The following GRID2 variants were observed in gnomAD, a reference collection of about 807,000 sequenced individuals.
GRID2 encodes the protein glutamate receptor ionotropic, delta-2.
Under a neutral mutation model 114.8 loss-of-function variants are expected in GRID2, and 33 were observed. The ratio of observed to expected loss-of-function variants is 0.29; its 90% CI spans 0.22 to 0.38. The LOEUF is 0.38. Among genes scored for constraint, GRID2 ranks in the 10% least tolerant of loss-of-function variants. GRID2 has a pLI of 1.00. For synonymous variants in GRID2, 505 were observed against 449.9 expected, an observed-to-expected ratio of 1.12 and a Z score of -1.55; for missense variants, 1,184 against 1,257.7, an observed-to-expected ratio of 0.94 and a Z score of 0.89.
Position 93,773,863 on chromosome 4 carries a change from T to C in GRID2, c.*1365T>C, listed in dbSNP as rs1462146702. 2 of 152,170 alleles carry C rather than the reference T, an allele frequency of 1.3e-5. No homozygotes were observed. The highest frequency in any genetic ancestry group is 2.9e-5 in the Non-Finnish European group (2 of 67,996). 9.4% of individuals were successfully genotyped at this position (152,170 alleles called of 1,614,324 possible). On this transcript the variant is annotated 3_prime_UTR_variant, in exon 16 of 16. Coordinates refer to ENST00000282020, the MANE Select transcript of GRID2 (RefSeq NM_001510.4). ...ATTTTTTACATTAGTGCCAAGTATA[T>C]AGAAGGATGACAGCAAAAACAGTGC... is the stretch of plus-strand genomic sequence containing the variant.
At chr4:93,444,975 C>T (rs1180840207) in intron 10 of GRID2, among the ~76,000 whole-genome samples, 1 of 152,002 alleles carries the variant, frequency 6.6e-6, no homozygotes, top group Non-Finnish European at 1.5e-5. Flanking sequence ...GCTCCTGAAT[C>T]ATAATAGCCA....
chr4:92,827,739 A>C (rs995581916), intron 2 of GRID2, among the ~76,000 whole-genome samples: 1 of 152,102 alleles, frequency 6.6e-6, no homozygotes, highest in Non-Finnish European at 1.5e-5. Flanking sequence ...TTAATGAATG[A>C]ATGATATATG....
chr4:92,453,280 G>T (rs1003668556), intron 1 of GRID2, among the ~76,000 whole-genome samples: 1 of 152,088 alleles, frequency 6.6e-6, no homozygotes, highest in Non-Finnish European at 1.5e-5. Context: ...ATGAAGCATA[G>T]TTTTTAAAAT....
At chr4:93,558,536 A>C (rs1734564668) in intron 13 of GRID2, among the ~76,000 whole-genome samples, 1 of 152,218 alleles carries the variant, frequency 6.6e-6, no homozygotes, top group Non-Finnish European at 1.5e-5. Flanking sequence ...CTAAATCAGG[A>C]AGAAGTCAAA....
At chr4:93,056,468 GA>G (rs561977026) in intron 2 of GRID2, among the ~76,000 whole-genome samples, 2 of 149,964 alleles carry the variant, frequency 1.3e-5, no homozygotes, top group African/African-American at 2.4e-5. Flanking sequence ...GCATAGACTA[GA>G]AAAAAAAATA....
intron 1 of GRID2, among the ~76,000 whole-genome samples, chr4:92,571,834 A>G (rs1268670031): frequency 6.6e-6 from 1 of 152,110 alleles, no homozygotes; most frequent in Non-Finnish European, 1.5e-5. Flanking sequence ...TTTGAAACCA[A>G]TGAGAACAAA....
At chr4:92,766,012 C>T (rs1000776676) in intron 2 of GRID2, among the ~76,000 whole-genome samples, 2 of 149,234 alleles carry the variant, frequency 1.3e-5, no homozygotes, top group East Asian at 1.9e-4. Flanking sequence ...GTAAGTGATC[C>T]GATTTGCATA....
rs112042802 is a variant in GRID2, at chr4:93,420,731, C to T, written c.1348-2040C>T. Among the ~76,000 whole-genome samples the T allele has an allele frequency of 8.8e-4, 128 of 146,284 alleles. 1 individual carries two copies. The highest frequency in any genetic ancestry group is 2.9e-3 in the African/African-American group (114 of 39,648). On this transcript the variant is annotated intron_variant, in intron 9 of 15. Transcript: ENST00000282020. ...TTTATTTGTTTATTTATTATTTTTA[C>T]TTATTTATTTATTTATTTATTTATT...
At chr4:92,480,462 A>G (rs1315992491) in intron 1 of GRID2, among the ~76,000 whole-genome samples, 1 of 152,110 alleles carries the variant, frequency 6.6e-6, no homozygotes, top group Non-Finnish European at 1.5e-5. Context: ...TTATGAAGTG[A>G]TTTCTCTTGC....
intron 1 of GRID2, among the ~76,000 whole-genome samples, chr4:93,794,171 A>T (rs958081149): frequency 1.3e-5 from 2 of 152,200 alleles, no homozygotes; most frequent in African/African-American, 2.4e-5. Context: ...GGGTGTCCCT[A>T]ATCTTGAGCA....
At chr4:92,936,189 C>T (rs959403617) in intron 2 of GRID2, among the ~76,000 whole-genome samples, 2 of 146,368 alleles carry the variant, frequency 1.4e-5, no homozygotes, top group African/African-American at 4.9e-5. Flanking sequence ...ATATTGTGAT[C>T]TTCACAAACG....
At chr4:93,559,237 T>C (rs1188738071) in intron 13 of GRID2, among the ~76,000 whole-genome samples, 1 of 152,062 alleles carries the variant, frequency 6.6e-6, no homozygotes, top group African/African-American at 2.4e-5. Context: ...TTGACAAATA[T>C]GATCTAATTA....
chr4:92,343,065 T>G (rs932261447), intron 1 of GRID2, among the ~76,000 whole-genome samples: 1 of 152,296 alleles, frequency 6.6e-6, no homozygotes, highest in Non-Finnish European at 1.5e-5. Flanking sequence ...ATTTGACATA[T>G]TTCGCTATAA....
At chr4:93,144,971 C>T (rs1736076517) in intron 4 of GRID2, among the ~76,000 whole-genome samples, 1 of 150,422 alleles carries the variant, frequency 6.6e-6, no homozygotes, top group African/African-American at 2.4e-5. Flanking sequence ...AAACCATCTA[C>T]CTTTACCTTT....
chr4:92,791,190 CT>C (rs1298935519), intron 2 of GRID2, among the ~76,000 whole-genome samples: 3 of 151,476 alleles, frequency 2.0e-5, no homozygotes, highest in South Asian at 4.2e-4. Context: ...AAGAGAATGA[CT>C]TTTTTTTCCT....
chr4:92,788,218 A>G (rs1049551787), intron 2 of GRID2, among the ~76,000 whole-genome samples: 1 of 151,750 alleles, frequency 6.6e-6, no homozygotes, highest in Non-Finnish European at 1.5e-5. Context: ...AAGGAGGCTG[A>G]AAAGAAGTAA....
rs943593303 is a variant in GRID2 at position 92,726,935 on chromosome 4, G to A, written c.244+136649G>A. On this transcript the variant is annotated intron_variant, in intron 2 of 15. Coordinates refer to ENST00000282020, the MANE Select transcript of GRID2 (RefSeq NM_001510.4). ...TGGTCATCATAAATTAGACTTGAGA[G>A]TTGTTCTGATGCATTGAGGGAAAAA... Among the ~76,000 whole-genome samples the A allele has an allele frequency of 3.3e-5, 5 of 152,014 alleles. No homozygotes were observed. The South Asian group carries it at 1.0e-3, about 31-fold the overall frequency.
At chr4:93,087,680 T>C (rs542885765) in intron 3 of GRID2, among the ~76,000 whole-genome samples, 26 of 152,194 alleles carry the variant, frequency 1.7e-4, no homozygotes, top group Non-Finnish European at 3.2e-4. Context: ...TGGGATAAAC[T>C]TGCTTTTTCA....
chr4:93,147,948 A>G (rs989300890), intron 4 of GRID2, among the ~76,000 whole-genome samples: 19 of 152,196 alleles, frequency 1.2e-4, no homozygotes, highest in Admixed American at 6.5e-5. Context: ...GGATTTCTCT[A>G]TAGAAGGATT....
Sources: gnomAD v4.1 joint callset for allele counts (sites outside exome capture counted in the v4.1 genomes callset) on GRCh38, gnomAD v4.1.1 for gene constraint, MANE v1.5 for transcripts, NCBI Gene and HGNC (gene_info 2026-07-23, HGNC 2026-07-21) for gene names.